Variants in ABCD2 observed in about 807,000 individuals in gnomAD.
ABCD2 encodes ATP-binding cassette sub-family D member 2.
In ABCD2, 36 loss-of-function variants were observed where a neutral mutation model predicts 70.9. That is an observed-to-expected ratio of 0.51 (90% CI 0.39 to 0.67). ABCD2 has a LOEUF of 0.67. ABCD2 is among the 30% of genes least tolerant of loss of function. The probability of loss-of-function intolerance (pLI) is 0.00; values close to 1 mark genes in which losing one functional copy is unlikely to be tolerated. For synonymous variants in ABCD2, 304 were observed against 306.9 expected (o/e 0.99, Z 0.10); for missense variants, 729 against 890.2 (o/e 0.82, Z 2.30).
At chr12:39,567,656 G>A (rs79361547) in intron 9 of ABCD2, among the ~76,000 whole-genome samples, 1 of 147,202 alleles carries the variant, frequency 6.8e-6, no homozygotes, top group Non-Finnish European at 1.5e-5. Flanking sequence ...GTGTGAATTT[G>A]ATCCTGTCAT....
intron 9 of ABCD2, among the ~76,000 whole-genome samples, chr12:39,562,903 A>G (rs1451868681): frequency 1.3e-5 from 2 of 152,214 alleles, no homozygotes; most frequent in African/African-American, 4.8e-5. Flanking sequence ...ACATAGGTGC[A>G]AAAATCATCA....
intron 9 of ABCD2, among the ~76,000 whole-genome samples, chr12:39,558,512 A>G (rs946757292): frequency 2.0e-4 from 30 of 152,210 alleles, no homozygotes; most frequent in African/African-American, 7.0e-4. Context: ...CAAGGGAAAG[A>G]CCAGGTGGAG....
intron 7 of ABCD2, among the ~76,000 whole-genome samples, chr12:39,582,489 T>C (rs1941609149): frequency 6.6e-6 from 1 of 152,248 alleles, no homozygotes; most frequent in South Asian, 2.1e-4. Context: ...GAAAGAGTTC[T>C]AGACCTTCCT....
the ABCD2 span, among the ~76,000 whole-genome samples, chr12:39,544,584 G>A: frequency 1.3e-5 from 2 of 152,224 alleles, no homozygotes; most frequent in African/African-American, 4.8e-5. Context: ...GATGGAGTCA[G>A]CTAAGTTAGA....
chr12:39,543,821 ATATAT>A, the ABCD2 span, among the ~76,000 whole-genome samples: 86 of 152,290 alleles, frequency 5.6e-4, no homozygotes, highest in African/African-American at 1.9e-3. Context: ...TTCCACAAAC[ATATAT>A]TAAGTAACTA....
chr12:39,560,653 T>C (rs1469699458), intron 9 of ABCD2, among the ~76,000 whole-genome samples: 2 of 152,126 alleles, frequency 1.3e-5, no homozygotes, highest in African/African-American at 4.8e-5. Context: ...TGTTAACATA[T>C]ATACAATATA....
intron 6 of ABCD2, among the ~76,000 whole-genome samples, chr12:39,586,721 T>C (rs11172696): frequency 0.073 from 11,186 of 152,198 alleles, 598 homozygotes; most frequent in South Asian, 0.28. Context: ...AGCAGGGAAA[T>C]ATTGTATATA....
In ABCD2 at chr12:39,619,383, G is replaced by A; in HGVS notation, c.233C>T (p.Pro78Leu). 1 of 1,614,018 alleles carries A rather than the reference G, an allele frequency of 6.2e-7. No individual in the cohort carries two copies. Among genetic ancestry groups the A allele is most frequent in the Non-Finnish European group, 8.5e-7 (1 of 1,180,004 alleles). The part of the protein sequence containing the change: ...CTETICEKPS[P>L]GVNADFFKQL... ...TTTGAAGAAATCTGCATTCACTCCA[G>A]GCGAAGGTTTTTCACAAATGGTCTC... is the stretch of plus-strand genomic sequence containing the variant. The change falls in exon 1 of 10, where the codon CCT becomes CTT. Residue 78 changes from proline to leucine, a missense_variant. By Grantham distance (98) the Pro-to-Leu change is moderately conservative. Transcript: ENST00000308666.
intron 8 of ABCD2, among the ~76,000 whole-genome samples, chr12:39,577,228 C>T (rs1428029827): frequency 1.3e-5 from 2 of 151,994 alleles, no homozygotes; most frequent in East Asian, 3.8e-4. Context: ...TACTTATATA[C>T]ATTTTCTACT....
Position 39,580,243 on chromosome 12 carries a change from C to T in ABCD2, c.1793-624G>A, listed in dbSNP as rs1307592433. 2.0e-5 allele frequency among the ~76,000 whole-genome samples: 3 copies of T among 152,146 alleles called. No individual in the cohort carries two copies. In the East Asian group the frequency reaches 5.8e-4, roughly 29 times the overall value. On this transcript the variant is annotated intron_variant, in intron 7 of 9. Coordinates refer to ENST00000308666, the MANE Select transcript of ABCD2 (RefSeq NM_005164.4). ...GGTGTGAGCTGCCAGATGGGGCCAG[C>T]TACTAATTCTTGTGACATCTTGAGA...
chr12:39,561,168 G>T (rs911251076), intron 9 of ABCD2, among the ~76,000 whole-genome samples: 2 of 151,878 alleles, frequency 1.3e-5, no homozygotes, highest in East Asian at 3.9e-4. Context: ...GGCTGAGGTG[G>T]GCAGATCACT....
chr12:39,611,421 G>GT (rs1942043269), intron 2 of ABCD2, among the ~76,000 whole-genome samples: 1 of 152,048 alleles, frequency 6.6e-6, no homozygotes, highest in African/African-American at 2.4e-5. Context: ...AAAATAAAAA[G>GT]TAAGTTTATT....
At chr12:39,578,310 T>C (rs971981350) in intron 8 of ABCD2, among the ~76,000 whole-genome samples, 1 of 151,890 alleles carries the variant, frequency 6.6e-6, no homozygotes, top group African/African-American at 2.4e-5. Flanking sequence ...CCGTCTCTAC[T>C]AAAAATACAA....
intron 6 of ABCD2, 80 bp downstream of exon 6, chr12:39,600,491 T>A (rs550755561): frequency 2.3e-6 from 3 of 1,303,626 alleles, no homozygotes; most frequent in Non-Finnish European, 3.2e-6. Context: ...TAAAGATATA[T>A]AAACTGAGGA....
rs116158429 is a variant in ABCD2, at chr12:39,577,708, G to T, written c.1877+1827C>A. Among the ~76,000 whole-genome samples the T allele has an allele frequency of 6.4e-3, 981 of 152,130 alleles. 7 individuals carry two copies. The highest frequency in any genetic ancestry group is 0.023 in the African/African-American group (941 of 41,528). On this transcript the variant is annotated intron_variant, in intron 8 of 9. Coordinates refer to ENST00000308666, the MANE Select transcript of ABCD2 (RefSeq NM_005164.4). ...AATTATTACTAATTTAATTATTATTGTGACAAGTTATTATGTAAGAATATA... is the reference window on the plus strand; with the variant it reads ...AATTATTACTAATTTAATTATTATTTTGACAAGTTATTATGTAAGAATATA...
chr12:39,605,559 G>C (rs954116534), intron 3 of ABCD2, among the ~76,000 whole-genome samples: 1 of 151,946 alleles, frequency 6.6e-6, no homozygotes, highest in South Asian at 2.1e-4. Flanking sequence ...AAGATTATAA[G>C]ATGAGCTAAA....
At chr12:39,541,200 C>T in the ABCD2 span, among the ~76,000 whole-genome samples, 5 of 152,140 alleles carry the variant, frequency 3.3e-5, no homozygotes, top group African/African-American at 4.8e-5. Flanking sequence ...ACTGCAATTA[C>T]GTTTGCACCA....
chr12:39,574,431 A>G (rs778434887), intron 8 of ABCD2, among the ~76,000 whole-genome samples: 12 of 152,058 alleles, frequency 7.9e-5, no homozygotes, highest in Non-Finnish European at 1.3e-4. Context: ...AAAAGTAAAT[A>G]TTTTTCTAAG....
intron 9 of ABCD2, among the ~76,000 whole-genome samples, chr12:39,566,857 T>C (rs1591971555): frequency 6.6e-6 from 1 of 152,262 alleles, no homozygotes; most frequent in African/African-American, 2.4e-5. Context: ...TTTCAAAGAA[T>C]ATCTTTATTT....
Sources: gnomAD v4.1 joint callset for allele counts (sites outside exome capture counted in the v4.1 genomes callset) on GRCh38, gnomAD v4.1.1 for gene constraint, MANE v1.5 for transcripts, NCBI Gene and HGNC (gene_info 2026-07-23, HGNC 2026-07-21) for gene names.